Variants in ABCA4 observed in about 807,000 individuals in gnomAD.
The protein encoded by ABCA4 is ATP binding cassette subfamily A member 4.
Under a neutral mutation model 263.7 loss-of-function variants are expected in ABCA4, and 196 were observed. That is an observed-to-expected ratio of 0.74 (90% CI 0.66 to 0.84). The LOEUF (loss-of-function observed/expected upper bound fraction) is 0.84, where lower values mean the gene tolerates loss of function less well. Among genes scored for constraint, ABCA4 ranks in the 40% least tolerant of loss-of-function variants. ABCA4 has a pLI of 0.00. For missense variants in ABCA4, 2,792 were observed against 2,855.1 expected (o/e 0.98, Z 0.50); for synonymous variants, 1,133 against 1,094.2 (o/e 1.04, Z -0.70).
At chr1:94,009,688 C>T (rs145246251) in intron 40 of ABCA4, among the ~76,000 whole-genome samples, 1 of 152,322 alleles carries the variant, frequency 6.6e-6, no homozygotes, top group East Asian at 1.9e-4. Flanking sequence ...TTCTGGAAGC[C>T]AGGGACTATG....
At chr1:94,075,335 A>G (rs751853992) in intron 11 of ABCA4, among the ~76,000 whole-genome samples, 13 of 151,468 alleles carry the variant, frequency 8.6e-5, no homozygotes, top group Non-Finnish European at 1.9e-4. Flanking sequence ...TAAAATAAAG[A>G]AAGAAAATCT....
chr1:94,031,751 C>CAGGAGAGG (rs1355804330), intron 27 of ABCA4, 27 bp downstream of exon 27: 2 of 1,612,606 alleles, frequency 1.2e-6, no homozygotes, highest in African/African-American at 2.7e-5. Context: ...CCACTGAGCT[C>CAGGAGAGG]AGCTAAACAC....
At chr1:94,018,657 G>T in intron 36 of ABCA4, 1 of 449,722 alleles carries the variant, frequency 2.2e-6, no homozygotes, top group South Asian at 1.6e-5. Flanking sequence ...ATGAAATGGA[G>T]GCTCATGTTG....
intron 3 of ABCA4, among the ~76,000 whole-genome samples, chr1:94,110,825 T>A (rs1299956865): frequency 6.6e-6 from 1 of 152,138 alleles, no homozygotes; most frequent in Non-Finnish European, 1.5e-5. Context: ...TTGGTTTTCA[T>A]CAGCTTTTCA....
rs3789384 is a variant in ABCA4 at position 94,007,923 on chromosome 1, C to T, written c.5899-183G>A. Among the ~76,000 whole-genome samples the T allele has an allele frequency of 0.19, 29,158 of 151,860 alleles. 2,899 individuals are homozygous for T. Among genetic ancestry groups the T allele is most frequent in the African/African-American group, 0.24 (9,766 of 41,394 alleles). ...CATCTAAGTCCCAGTTGACACGGGC[C>T]CTGAGTGTAAAGATTCAAAGACTTA... On this transcript the variant is annotated intron_variant, in intron 42 of 49. Transcript: ENST00000370225.
intron 36 of ABCA4, among the ~76,000 whole-genome samples, chr1:94,017,603 T>A (rs1659775981): frequency 6.6e-6 from 1 of 152,094 alleles, no homozygotes; most frequent in Non-Finnish European, 1.5e-5. Flanking sequence ...AGGAGTGGGG[T>A]GTGAGGATTA....
intron 36 of ABCA4, among the ~76,000 whole-genome samples, chr1:94,018,084 C>T (rs560324993): frequency 2.5e-4 from 38 of 152,322 alleles, no homozygotes; most frequent in African/African-American, 8.2e-4. Flanking sequence ...CTACCATCTT[C>T]TACCCCTTCA....
At chr1:93,995,386 A>C (rs1391299220) in intron 49 of ABCA4, among the ~76,000 whole-genome samples, 2 of 152,234 alleles carry the variant, frequency 1.3e-5, no homozygotes, top group Non-Finnish European at 2.9e-5. Context: ...AGAGTGGCTA[A>C]TTCATCCCTC....
At chr1:94,005,983 A>C (rs192277183) in intron 43 of ABCA4, among the ~76,000 whole-genome samples, 255 of 152,314 alleles carry the variant, frequency 1.7e-3, no homozygotes, top group Non-Finnish European at 1.9e-3. Flanking sequence ...AAACTTCTCT[A>C]TCTGTATTTA....
At chr1:94,040,177 C>G (rs774119652) in intron 23 of ABCA4, 50 bp from the exon 24 acceptor site, 1 of 1,444,176 alleles carries the variant, frequency 6.9e-7, no homozygotes, top group African/African-American at 1.4e-5. Flanking sequence ...CCTTCCATGA[C>G]AGCCTCTCCC....
chr1:94,042,985 C>A (rs1434231630), intron 21 of ABCA4, 87 bp from the exon 22 acceptor site: 3 of 1,567,232 alleles, frequency 1.9e-6, no homozygotes, highest in Non-Finnish European at 2.6e-6. Context: ...TGTGGGGGTA[C>A]CTTAACCCAG....
intron 18 of ABCA4, 65 bp from the exon 19 acceptor site, chr1:94,047,158 T>C: frequency 6.4e-7 from 1 of 1,571,114 alleles, no homozygotes; most frequent in Middle Eastern, 1.7e-4. Flanking sequence ...CAGGGCTCTG[T>C]CTCCAGGCCC....
Position 94,098,973 on chromosome 1 carries a change from C to T in ABCA4, c.589G>A (p.Asp197Asn), listed in dbSNP as rs142985501. The change falls in exon 6 of 50, where the codon GAC (aspartate) becomes AAC (asparagine). Residue 197 changes from aspartate to asparagine, a missense_variant. Physicochemically the swap from Asp to Asn is conservative, Grantham distance 23. Transcript: ENST00000370225. ...RPEQFAHGVPDLALKDIACSE... is the reference protein window; with the variant it reads ...RPEQFAHGVPNLALKDIACSE... ...CAGGCGATGTCCTTCAGCGCCAGGT[C>T]CGGGACTCCATGAGCGAACTGCAGG... 1.2e-6 allele frequency: 2 copies of T among 1,609,650 alleles called. No homozygotes were observed. Among genetic ancestry groups the T allele is most frequent in the Middle Eastern group, 3.3e-4 (2 of 6,040 alleles).
Position 94,108,597 on chromosome 1 carries a change from G to A in ABCA4, c.422C>T (p.Thr141Ile). 6.2e-7 allele frequency: 1 copy of A among 1,613,678 alleles called. No individual in the cohort carries two copies. Among genetic ancestry groups the A allele is most frequent in the Non-Finnish European group, 8.5e-7 (1 of 1,180,004 alleles). The change falls in exon 4 of 50, where the codon ACT (threonine) becomes ATT (isoleucine). Residue 141 changes from threonine to isoleucine, a missense_variant. Thr to Ile is a moderately conservative substitution (Grantham distance 89). Transcript: ENST00000370225. Reference protein sequence around the residue: ...ILSQFMDTLRTHPERIAGRGI... With the variant: ...ILSQFMDTLRIHPERIAGRGI... ...CTTACCTGCAATTCTCTCCGGGTGAGTCCGGAGGGTGTCCATGAATTGGGA... is the reference window on the plus strand; with the variant it reads ...CTTACCTGCAATTCTCTCCGGGTGAATCCGGAGGGTGTCCATGAATTGGGA...
chr1:94,110,922 T>C lies in ABCA4; in HGVS notation c.302+516A>G, dbSNP rs555926416. On this transcript the variant is annotated intron_variant, in intron 3 of 49. Transcript: ENST00000370225. ...CACTCCAGGGGGCCGATGGCAATTA[T>C]AACAGAGGATTTGGAAATTGTATTT... Among the ~76,000 whole-genome samples the C allele has an allele frequency of 7.2e-5, 11 of 152,330 alleles. 1 individual carries two copies. The East Asian group carries it at 2.1e-3, about 29-fold the overall frequency.
intron 26 of ABCA4, 117 bp from the exon 27 acceptor site, chr1:94,032,160 A>T: frequency 8.0e-7 from 1 of 1,246,588 alleles, no homozygotes; most frequent in Admixed American, 1.8e-5. Flanking sequence ...TCAGCAATGA[A>T]ATACCAGGCT....
In ABCA4 at chr1:94,056,590, A is replaced by C. The variant is rs1660982870; in HGVS notation, c.2382+11T>G. The stretch of plus-strand genomic sequence containing the variant: ...CGTGTTGTAGGACAGGGGCCAGCCC[A>C]AGGGCCTCACCACAGCCTTCTTCAG... On this transcript the variant is annotated intron_variant, in intron 15 of 49. Transcript: ENST00000370225. 1 of 1,611,802 alleles carries C rather than the reference A, an allele frequency of 6.2e-7. No homozygotes were observed. The highest frequency in any genetic ancestry group is 8.5e-7 in the Non-Finnish European group (1 of 1,179,628).
intron 28 of ABCA4, 39 bp from the exon 29 acceptor site, chr1:94,030,565 G>T: frequency 6.3e-7 from 1 of 1,581,178 alleles, no homozygotes; most frequent in Non-Finnish European, 8.7e-7. Flanking sequence ...CAGAGCAGGC[G>T]CGTGCCAACA....
Position 93,992,926 on chromosome 1 carries a change from T to G in ABCA4, c.*311A>C. On this transcript the variant is annotated 3_prime_UTR_variant, in exon 50 of 50. Transcript: ENST00000370225. ...CAAACATGCAGAAAAGCAGATCTGC[T>G]TGAAATGAGAGCAATATGGAGGCCA... The G allele has an allele frequency of 2.2e-6, 1 of 457,758 alleles. No homozygotes were observed. Among genetic ancestry groups the G allele is most frequent in the Non-Finnish European group, 4.0e-6 (1 of 249,296 alleles). 28.4% of individuals were successfully genotyped at this position (457,758 alleles called of 1,614,324 possible).
Sources: gnomAD v4.1 joint callset for allele counts (sites outside exome capture counted in the v4.1 genomes callset) on GRCh38, gnomAD v4.1.1 for gene constraint, MANE v1.5 for transcripts, NCBI Gene and HGNC (gene_info 2026-07-23, HGNC 2026-07-21) for gene names.